The following PROM1 variants were observed in gnomAD, a reference collection of about 807,000 sequenced individuals.
PROM1 encodes prominin-1.
In PROM1, 105 loss-of-function variants were observed where a neutral mutation model predicts 116.9. The observed-to-expected ratio is 0.90, with a 90% CI of 0.77 to 1.06. The LOEUF (loss-of-function observed/expected upper bound fraction) is 1.06. Ranked by LOEUF, PROM1 falls within the 50% of genes least tolerant of loss-of-function variation. The pLI is 0.00. For missense variants in PROM1, 1,122 were observed against 1,045.2 expected, an observed-to-expected ratio of 1.07 and a Z score of -1.01; for synonymous variants, 393 against 387.0, an observed-to-expected ratio of 1.02 and a Z score of -0.18.
chr4:15,998,007 C>T (rs1211566412), intron 15 of PROM1, among the ~76,000 whole-genome samples: 1 of 152,174 alleles, frequency 6.6e-6, no homozygotes, highest in Non-Finnish European at 1.5e-5. Context: ...TTGCCTTCCC[C>T]CTATCAGTGA....
Position 16,023,430 on chromosome 4 carries a change from G to A in PROM1, c.695-15C>T. The A allele has an allele frequency of 1.3e-6, 2 of 1,565,286 alleles. No individual in the cohort carries two copies. Among genetic ancestry groups the A allele is most frequent in the Non-Finnish European group, 1.7e-6 (2 of 1,146,174 alleles). On this transcript the variant is annotated splice_polypyrimidine_tract_variant and intron_variant, in intron 7 of 27. Transcript: ENST00000447510. ...TGAATTGATACCTACATGCAAATAAGCACAAAGATGGTGAGGGTGGCCTCT... is the reference window on the plus strand; with the variant it reads ...TGAATTGATACCTACATGCAAATAAACACAAAGATGGTGAGGGTGGCCTCT...
Position 15,979,849 on chromosome 4 carries a change from T to C in PROM1, c.2513+32A>G, listed in dbSNP as rs776183985. 1.3e-5 allele frequency: 18 copies of C among 1,437,126 alleles called. No homozygotes were observed. The South Asian group carries it at 2.0e-4, about 16-fold the overall frequency. The allele number at this position is 1,437,126 out of a possible 1,614,324, so 89.0% of individuals were successfully genotyped here. ...AATAATATCAACCTCCCCCATCCCA[T>C]CTAGGAATATAGTTTTTTTAAAAAG... On this transcript the variant is annotated intron_variant, in intron 25 of 27. Coordinates refer to ENST00000447510, the MANE Select transcript of PROM1 (RefSeq NM_006017.3).
At chr4:15,994,825 G>A (rs1271583223) in intron 15 of PROM1, among the ~76,000 whole-genome samples, 2 of 152,200 alleles carry the variant, frequency 1.3e-5, no homozygotes, top group East Asian at 3.9e-4. Context: ...ATGCCTGGAA[G>A]AAGCAACTTT....
At chr4:15,989,918 G>C in intron 18 of PROM1, 94 bp from the exon 19 acceptor site, 1 of 970,964 alleles carries the variant, frequency 1.0e-6, no homozygotes, top group Non-Finnish European at 1.6e-6. Flanking sequence ...CAGGAGGGCT[G>C]CCATGACATA....
At chr4:16,013,153 A>G (rs1727350812) in intron 11 of PROM1, 122 bp downstream of exon 11, 1 of 748,394 alleles carries the variant, frequency 1.3e-6, no homozygotes, top group Non-Finnish European at 2.3e-6. Context: ...ATATTTGTTT[A>G]GTTTTGACAG....
chr4:16,069,556 A>T (rs553891748), intron 2 of PROM1, among the ~76,000 whole-genome samples: 3 of 152,242 alleles, frequency 2.0e-5, no homozygotes, highest in Admixed American at 1.3e-4. Context: ...GTTTTATAGG[A>T]GATAAAACTA....
intron 26 of PROM1, 142 bp downstream of exon 26, chr4:15,979,253 G>A: frequency 7.6e-7 from 1 of 1,311,866 alleles, no homozygotes; most frequent in Non-Finnish European, 1.0e-6. Context: ...ACTATGTAGA[G>A]CATGATTGGA....
At chr4:16,056,544 A>G (rs1739062775) in intron 2 of PROM1, among the ~76,000 whole-genome samples, 1 of 152,156 alleles carries the variant, frequency 6.6e-6, no homozygotes, top group Non-Finnish European at 1.5e-5. Context: ...GTAATACCAG[A>G]ATAAATGCTA....
intron 2 of PROM1, among the ~76,000 whole-genome samples, chr4:16,069,738 TA>T (rs1194656997): frequency 6.6e-6 from 1 of 152,202 alleles, no homozygotes; most frequent in Admixed American, 6.5e-5. Flanking sequence ...GGAAAAACTT[TA>T]GACAAATTAG....
At position 15,992,402 on chromosome 4, in the gene PROM1, A is replaced by C; in HGVS notation, c.1768-11T>G. 1 of 1,611,040 alleles carries C rather than the reference A, an allele frequency of 6.2e-7. No homozygotes were observed. Among genetic ancestry groups the C allele is most frequent in the Non-Finnish European group, 8.5e-7 (1 of 1,178,280 alleles). On this transcript the variant is annotated splice_polypyrimidine_tract_variant and intron_variant, in intron 16 of 27. Transcript: ENST00000447510. Reference sequence around the variant, plus strand: ...TATGCTTCCAGTATGCTGCGAAAAAAGGAAGTTACAAATCAGTCCCTTATT... The same window carrying C: ...TATGCTTCCAGTATGCTGCGAAAAACGGAAGTTACAAATCAGTCCCTTATT...
At chr4:16,065,798 T>C (rs569755314) in intron 2 of PROM1, among the ~76,000 whole-genome samples, 1 of 152,362 alleles carries the variant, frequency 6.6e-6, no homozygotes, top group Non-Finnish European at 1.5e-5. Flanking sequence ...GCAGGCTGAA[T>C]GGTGTTCCCC....
chr4:16,006,527 C>T lies in PROM1; in HGVS notation c.1454+11G>A, dbSNP rs1310634026. 2.5e-6 allele frequency: 4 copies of T among 1,577,780 alleles called. No homozygotes were observed. The highest frequency in any genetic ancestry group is 3.4e-6 in the Non-Finnish European group (4 of 1,162,634). ...CCCACTCCCACATGACAGAGAGGAG[C>T]AGACACTCACACCATGAGGAAGACG... On this transcript the variant is annotated intron_variant, in intron 13 of 27. Coordinates refer to ENST00000447510, the MANE Select transcript of PROM1 (RefSeq NM_006017.3).
At chr4:16,023,777 C>A (rs576079164) in intron 7 of PROM1, among the ~76,000 whole-genome samples, 1 of 152,226 alleles carries the variant, frequency 6.6e-6, no homozygotes, top group Non-Finnish European at 1.5e-5. Flanking sequence ...GGCTTTGACA[C>A]GCTAGATGTT....
intron 3 of PROM1, among the ~76,000 whole-genome samples, chr4:16,038,273 T>C (rs181236178): frequency 3.9e-5 from 6 of 152,358 alleles, no homozygotes; most frequent in Non-Finnish European, 4.4e-5. Context: ...CGATGTTTTA[T>C]AACAGAGTAC....
chr4:16,080,329 G>T (rs1443000204), intron 1 of PROM1, among the ~76,000 whole-genome samples: 8 of 151,670 alleles, frequency 5.3e-5, no homozygotes, highest in African/African-American at 1.7e-4. Flanking sequence ...GACCATCCTG[G>T]CTAACATGGT....
In PROM1 at chr4:15,984,317, G is replaced by A. The variant is rs185335345; in HGVS notation, c.2319C>T (p.Thr773=). Residue 773 remains threonine (T), a synonymous_variant, in exon 23 of 28, where the codon ACC becomes ACT. Coordinates refer to ENST00000447510, the MANE Select transcript of PROM1 (RefSeq NM_006017.3). ...AGACATCAACAGCAGTATCTAGAGC[G>A]GTGGCCACAGGTTTGCACGATGCCA... The part of the protein sequence containing the change: ...EKVASCKPVA[T]ALDTAVDVFL... The A allele has an allele frequency of 3.0e-4, 484 of 1,606,714 alleles. No homozygotes were observed. The highest frequency in any genetic ancestry group is 3.9e-4 in the Non-Finnish European group (463 of 1,176,012).
At chr4:16,007,848 G>A (rs1725901433) in intron 12 of PROM1, among the ~76,000 whole-genome samples, 1 of 152,316 alleles carries the variant, frequency 6.6e-6, no homozygotes. Context: ...AGCCCCACAA[G>A]GGAATCATGG....
intron 5 of PROM1, among the ~76,000 whole-genome samples, chr4:16,029,622 GGGCATC>G (rs1732185019): frequency 6.6e-6 from 1 of 152,120 alleles, no homozygotes; most frequent in Non-Finnish European, 1.5e-5. Flanking sequence ...ACATCTGCTA[GGGCATC>G]TTTCTCCTTA....
At chr4:15,995,642 C>T (rs1168333250) in intron 15 of PROM1, among the ~76,000 whole-genome samples, 2 of 152,098 alleles carry the variant, frequency 1.3e-5, no homozygotes, top group Non-Finnish European at 2.9e-5. Flanking sequence ...TAGCCTACTG[C>T]CCCTACCTCC....
Sources: gnomAD v4.1 joint callset for allele counts (sites outside exome capture counted in the v4.1 genomes callset) on GRCh38, gnomAD v4.1.1 for gene constraint, MANE v1.5 for transcripts, NCBI Gene and HGNC (gene_info 2026-07-23, HGNC 2026-07-21) for gene names.